CABLES1: variants seen among roughly 807,000 people sequenced by gnomAD.
CABLES1 encodes Cdk5 and Abl enzyme substrate 1.
Under a neutral mutation model 57.8 loss-of-function variants are expected in CABLES1, and 36 were observed. The ratio of observed to expected loss-of-function variants is 0.62; its 90% confidence interval spans 0.48 to 0.82. The LOEUF (loss-of-function observed/expected upper bound fraction) is 0.82. Ranked by LOEUF, CABLES1 falls within the 40% of genes least tolerant of loss-of-function variation. CABLES1 has a pLI of 0.00. For synonymous variants in CABLES1, 374 were observed against 363.0 expected (o/e 1.03, Z -0.35); for missense variants, 767 against 836.6 (o/e 0.92, Z 1.03).
At position 23,167,203 on chromosome 18, in the gene CABLES1, T is replaced by C. The variant is rs369084342; in HGVS notation, c.846-21635T>C. 2.7e-3 allele frequency among the ~76,000 whole-genome samples: 412 copies of C among 152,204 alleles called. 3 individuals are homozygous for C. The highest frequency in any genetic ancestry group is 0.021 in the South Asian group (99 of 4,814). On this transcript the variant is annotated intron_variant, in intron 1 of 9. Coordinates refer to ENST00000256925, the MANE Select transcript of CABLES1 (RefSeq NM_001100619.3). ...TTAATGGTTATTTCAATTCTGCATC[T>C]TTTTTTATTAAATTTAAAAAAAAAA...
At chr18:23,191,166 G>A (rs4800151) in intron 2 of CABLES1, among the ~76,000 whole-genome samples, 62,318 of 151,414 alleles carry the variant, frequency 0.41, 13,235 homozygotes, top group Middle Eastern at 0.5. Context: ...CGACAGGATC[G>A]CTTGAACCCA....
intron 4 of CABLES1, among the ~76,000 whole-genome samples, chr18:23,216,170 C>G (rs1240768973): frequency 6.6e-6 from 1 of 152,176 alleles, no homozygotes; most frequent in Non-Finnish European, 1.5e-5. Flanking sequence ...TTTGAAGTGT[C>G]CATATTCGTT....
At chr18:23,216,589 T>C (rs557024926) in intron 4 of CABLES1, among the ~76,000 whole-genome samples, 1 of 152,344 alleles carries the variant, frequency 6.6e-6, no homozygotes, top group South Asian at 2.1e-4. Context: ...TTTAGAATTT[T>C]TATTACTTAT....
At chr18:23,224,114 C>CTT (rs879709419) in intron 4 of CABLES1, among the ~76,000 whole-genome samples, 49 of 136,930 alleles carry the variant, frequency 3.6e-4, no homozygotes, top group African/African-American at 1.0e-3. Flanking sequence ...TCGGCTTCCA[C>CTT]TTTTTTTTTT....
At position 23,135,863 on chromosome 18, in the gene CABLES1, A is replaced by C. The variant is rs2046814990; in HGVS notation, c.101A>C (p.Gln34Pro). 1 of 1,002,428 alleles carries C rather than the reference A, an allele frequency of 1.0e-6. No homozygotes were observed. Among genetic ancestry groups the C allele is most frequent in the Non-Finnish European group, 1.2e-6 (1 of 841,214 alleles). The allele number at this position is 1,002,428 out of a possible 1,614,324, so 62.1% of individuals were successfully genotyped here. A position where few individuals can be genotyped will look rare whatever the true frequency, so the allele number is the denominator to read the frequency against. Residue 34 changes from glutamine to proline, a missense_variant, in exon 1 of 10, where the codon CAG (glutamine) becomes CCG (proline). Coordinates refer to ENST00000256925, the MANE Select transcript of CABLES1 (RefSeq NM_001100619.3). ...GASGLQQPPP[Q>P]PQPQPAAAAP... ...AGCGGATTGCAGCAGCCGCCGCCGCAGCCCCAGCCTCAGCCCGCGGCCGCC... is the reference window on the plus strand; with the variant it reads ...AGCGGATTGCAGCAGCCGCCGCCGCCGCCCCAGCCTCAGCCCGCGGCCGCC...
At chr18:23,248,557 G>A (rs939249339) in intron 7 of CABLES1, among the ~76,000 whole-genome samples, 1 of 142,846 alleles carries the variant, frequency 7.0e-6, no homozygotes, top group Non-Finnish European at 1.5e-5. Context: ...GCTGGACGTG[G>A]TGGCTCATGC....
rs1196042969 is a variant in CABLES1, at chr18:23,252,941, GTTCC to G, written c.1447-18_1447-15del. On this transcript the variant is annotated splice_polypyrimidine_tract_variant and intron_variant, in intron 7 of 9. Transcript: ENST00000256925. ...ACCCTTGTTTTAAGGAGTGATCCGT[GTTCC>G]CCTGTCTGTTACAGACAACAGTGAT... is the stretch of plus-strand genomic sequence containing the variant. 1 of 1,530,140 alleles carries G rather than the reference GTTCC, an allele frequency of 6.5e-7. No homozygotes were observed. Among genetic ancestry groups the G allele is most frequent in the Non-Finnish European group, 9.1e-7 (1 of 1,103,780 alleles). The allele number at this position is 1,530,140 out of a possible 1,614,324, so 94.8% of individuals were successfully genotyped here. A position where few individuals can be genotyped will look rare whatever the true frequency, so the allele number is the denominator to read the frequency against.
intron 1 of CABLES1, among the ~76,000 whole-genome samples, chr18:23,171,421 G>C (rs1487398856): frequency 6.6e-6 from 1 of 152,224 alleles, no homozygotes; most frequent in Non-Finnish European, 1.5e-5. Context: ...CTGTCCCAGA[G>C]TGATGGAGGA....
intron 1 of CABLES1, among the ~76,000 whole-genome samples, chr18:23,152,642 G>T (rs2046938485): frequency 6.6e-6 from 1 of 151,332 alleles, no homozygotes; most frequent in Non-Finnish European, 1.5e-5. Flanking sequence ...CTGCCATCAT[G>T]CCCGGCTAAT....
At chr18:23,254,832 A>G (rs2048123644) in intron 9 of CABLES1, among the ~76,000 whole-genome samples, 2 of 152,314 alleles carry the variant, frequency 1.3e-5, no homozygotes, top group Admixed American at 6.5e-5. Flanking sequence ...CCATCTCCTA[A>G]TACCATCACA....
rs1026389703 is a variant in CABLES1 at position 23,135,906 on chromosome 18, G to T, written c.144G>T (p.Pro48=). The T allele has an allele frequency of 9.3e-6, 10 of 1,076,852 alleles. 1 individual carries two copies. Among genetic ancestry groups the T allele is most frequent in the Non-Finnish European group, 1.1e-5 (10 of 893,116 alleles). The allele number at this position is 1,076,852 out of a possible 1,614,324, so 66.7% of individuals were successfully genotyped here. A position where few individuals can be genotyped will look rare whatever the true frequency, so the allele number is the denominator to read the frequency against. ...CGGCCGCCGCGCCGGCCCAGCCGCC[G>T]CCCGAACCCCCCCGGAAGCCGCGCA... ...QPAAAAPAQP[P]PEPPRKPRMD... The change falls in exon 1 of 10, where the codon CCG becomes CCT. Residue 48 remains proline (P), a synonymous_variant. Transcript: ENST00000256925.
At chr18:23,235,822 G>A (rs1568079917) in intron 5 of CABLES1, 73 bp from the exon 6 acceptor site, 5 of 1,436,960 alleles carry the variant, frequency 3.5e-6, no homozygotes, top group East Asian at 2.3e-5. Flanking sequence ...GGTGACAACT[G>A]TAGCTTGATC....
Position 23,137,349 on chromosome 18 carries a change from G to T in CABLES1, c.845+742G>T, listed in dbSNP as rs118004826. On this transcript the variant is annotated intron_variant, in intron 1 of 9. Coordinates refer to ENST00000256925, the MANE Select transcript of CABLES1 (RefSeq NM_001100619.3). ...ATGAAACGCTGGACGTTTGCTTATTGTTCAGGAAATAGAGTTTGTCACCAT... is the reference window on the plus strand; with the variant it reads ...ATGAAACGCTGGACGTTTGCTTATTTTTCAGGAAATAGAGTTTGTCACCAT... 2.0e-5 allele frequency among the ~76,000 whole-genome samples: 3 copies of T among 152,316 alleles called. No homozygotes were observed. In the East Asian group the frequency reaches 5.8e-4, roughly 29 times the overall value.
intron 4 of CABLES1, among the ~76,000 whole-genome samples, chr18:23,219,751 T>C (rs2047472555): frequency 6.6e-6 from 1 of 152,230 alleles, no homozygotes; most frequent in Non-Finnish European, 1.5e-5. Context: ...TGCAAAAGGT[T>C]GTTCTCATTC....
At chr18:23,172,807 A>G (rs2047092320) in intron 1 of CABLES1, among the ~76,000 whole-genome samples, 1 of 152,218 alleles carries the variant, frequency 6.6e-6, no homozygotes, top group Non-Finnish European at 1.5e-5. Flanking sequence ...CTAATTAAGA[A>G]TACGGTGAGG....
chr18:23,237,831 C>T (rs1452925881), intron 7 of CABLES1, among the ~76,000 whole-genome samples: 1 of 152,280 alleles, frequency 6.6e-6, no homozygotes, highest in Non-Finnish European at 1.5e-5. Context: ...GGGCTGCCAT[C>T]TCCTCTGCAG....
chr18:23,193,276 C>T (rs1015900028), intron 2 of CABLES1, among the ~76,000 whole-genome samples: 1 of 151,844 alleles, frequency 6.6e-6, no homozygotes, highest in African/African-American at 2.4e-5. Context: ...ATTGCAACCT[C>T]GGCCTCCCGG....
rs144539992 is a variant in CABLES1, at chr18:23,204,060, C to G, written c.1010+9520C>G. On this transcript the variant is annotated intron_variant, in intron 3 of 9. Transcript: ENST00000256925. Reference sequence around the variant, plus strand: ...GACTCCCCAGACCTCACTGGGGCTCCGGTTCCAGGCTCTTCCTTCACTGAG... The same window carrying G: ...GACTCCCCAGACCTCACTGGGGCTCGGGTTCCAGGCTCTTCCTTCACTGAG... Among the ~76,000 whole-genome samples, 1,099 of 152,274 alleles carry G rather than the reference C, an allele frequency of 7.2e-3. 10 individuals are homozygous for G. Among genetic ancestry groups the G allele is most frequent in the South Asian group, 0.013 (63 of 4,824 alleles).
chr18:23,253,811 G>A lies in CABLES1; in HGVS notation c.1636G>A (p.Glu546Lys). The change falls in exon 9 of 10, where the codon GAA becomes AAA. Residue 546 changes from glutamate to lysine, a missense_variant. Around this residue, in one of 4 missense-constraint regions of CABLES1, gnomAD observed 529 missense variants for 622.8 expected, o/e 0.85. Coordinates refer to ENST00000256925, the MANE Select transcript of CABLES1 (RefSeq NM_001100619.3). The stretch of plus-strand genomic sequence containing the variant: ...GGTGGCCATGGCCTTCGTCTACTTT[G>A]AAAAGCTCGCCCTCAAGGGGAAACT... ...PTVAMAFVYF[E>K]KLALKGKLNK... 2 of 1,614,232 alleles carry A rather than the reference G, an allele frequency of 1.2e-6. No homozygotes were observed. Among genetic ancestry groups the A allele is most frequent in the Non-Finnish European group, 1.7e-6 (2 of 1,180,042 alleles).
Sources: allele counts gnomAD v4.1 joint callset (sites outside exome capture counted in the v4.1 genomes callset), GRCh38; gene constraint gnomAD v4.1.1; regional missense constraint gnomAD v4.1.1; transcripts MANE v1.5; gene names NCBI Gene and HGNC (gene_info 2026-07-23, HGNC 2026-07-21).